ATP10D: variants seen among roughly 807,000 people sequenced by gnomAD.
ATP10D encodes the protein ATPase phospholipid transporting 10D (putative), also known as phospholipid-transporting ATPase VD.
ATP10D carries 89 observed loss-of-function variants against 144.8 expected under a neutral mutation model. The observed-to-expected ratio is 0.61, with a 90% CI of 0.52 to 0.73. The LOEUF is 0.73. Among genes scored for constraint, ATP10D ranks in the 30% least tolerant of loss-of-function variants. The probability of loss-of-function intolerance (pLI) is 0.00; values close to 1 mark genes in which losing one functional copy is unlikely to be tolerated. For missense variants in ATP10D, 1,603 were observed against 1,714.8 expected (o/e 0.93, Z 1.15); for synonymous variants, 571 against 615.1 (o/e 0.93, Z 1.06).
chr4:47,517,463 G>C, intron 3 of ATP10D, among the ~76,000 whole-genome samples: 1 of 152,162 alleles, frequency 6.6e-6, no homozygotes, highest in East Asian at 1.9e-4. Flanking sequence ...GGAGTTGATA[G>C]TGTGTGTTTA....
rs563370584 is a variant in ATP10D at position 47,500,595 on chromosome 4, A to G, written c.-37-11909A>G. Among the ~76,000 whole-genome samples the G allele has an allele frequency of 2.0e-5, 3 of 152,336 alleles. No homozygotes were observed. The South Asian group carries it at 6.2e-4, about 32-fold the overall frequency. On this transcript the variant is annotated intron_variant, in intron 1 of 22. Transcript: ENST00000273859. ...TCAAAAGTTTTTGGGCTGAGCATCT[A>G]GAAGAAGGGAGCTGCCATTAGCTGA...
At chr4:47,582,583 C>T (rs1020969759) in intron 21 of ATP10D, among the ~76,000 whole-genome samples, 62 of 152,124 alleles carry the variant, frequency 4.1e-4, no homozygotes, top group Non-Finnish European at 2.1e-4. Flanking sequence ...TCCACATATT[C>T]GTGGGCTGGA....
rs1205040394 is a variant in ATP10D at position 47,569,002 on chromosome 4, G to T, written c.3019G>T (p.Ala1007Ser). ...TATCACTGGGAAGACCCTGGAGTTT[G>T]CCCTGCAAGAAAGTCTGCAAAAGCA... ...LIITGKTLEF[A>S]LQESLQKQFL... Residue 1007 changes from alanine to serine, a missense_variant, in exon 16 of 23, where the codon GCC becomes TCC. Ala to Ser is a moderately conservative substitution (Grantham distance 99). Coordinates refer to ENST00000273859, the MANE Select transcript of ATP10D (RefSeq NM_020453.4). The T allele has an allele frequency of 1.2e-5, 19 of 1,614,196 alleles. No individual in the cohort carries two copies. The highest frequency in any genetic ancestry group is 1.5e-5 in the Non-Finnish European group (18 of 1,180,034).
At chr4:47,550,337 G>A (rs556460800) in intron 10 of ATP10D, among the ~76,000 whole-genome samples, 9 of 152,046 alleles carry the variant, frequency 5.9e-5, no homozygotes, top group East Asian at 3.9e-4. Context: ...TATGAAAGCC[G>A]TTCAAAAGAT....
chr4:47,587,358 C>G (rs1156778080), intron 22 of ATP10D, 152 bp downstream of exon 22: 1 of 708,228 alleles, frequency 1.4e-6, no homozygotes, highest in East Asian at 2.7e-5. Context: ...GTTTTTAACT[C>G]TTTTATCAGA....
At chr4:47,552,219 G>A (rs1317783845) in intron 10 of ATP10D, among the ~76,000 whole-genome samples, 4 of 152,108 alleles carry the variant, frequency 2.6e-5, no homozygotes, top group African/African-American at 7.2e-5. Flanking sequence ...TGTTCTCGTG[G>A]CCACAGCACA....
chr4:47,513,596 A>G (rs1716478195), intron 2 of ATP10D, among the ~76,000 whole-genome samples: 1 of 152,186 alleles, frequency 6.6e-6, no homozygotes. Flanking sequence ...AGATGGAGGA[A>G]GGAGTATGAA....
At chr4:47,573,656 G>A (rs929394985) in intron 18 of ATP10D, among the ~76,000 whole-genome samples, 2 of 152,086 alleles carry the variant, frequency 1.3e-5, no homozygotes, top group Non-Finnish European at 2.9e-5. Flanking sequence ...AAAATCATAC[G>A]TAATCAGACG....
intron 10 of ATP10D, among the ~76,000 whole-genome samples, chr4:47,549,224 A>T (rs1718600305): frequency 6.6e-6 from 1 of 152,180 alleles, no homozygotes. Context: ...TTCTACACGA[A>T]ATGCTCTTCT....
At chr4:47,500,763 T>C (rs62300110) in intron 1 of ATP10D, among the ~76,000 whole-genome samples, 16,056 of 152,190 alleles carry the variant, frequency 0.11, 929 homozygotes, top group Non-Finnish European at 0.13. Flanking sequence ...CTTGTGGAAG[T>C]TCTCTTTGGA....
intron 21 of ATP10D, among the ~76,000 whole-genome samples, chr4:47,586,658 T>A (rs887997422): frequency 4.6e-5 from 7 of 152,138 alleles, no homozygotes; most frequent in African/African-American, 1.7e-4. Flanking sequence ...AAGTTTGAGG[T>A]TCACTGGGAG....
At chr4:47,495,895 G>A (rs143504437) in intron 1 of ATP10D, among the ~76,000 whole-genome samples, 3 of 152,126 alleles carry the variant, frequency 2.0e-5, no homozygotes, top group South Asian at 2.1e-4. Flanking sequence ...GCGCCACCGC[G>A]CCTGGCTAAT....
chr4:47,490,705 C>G (rs572801156), intron 1 of ATP10D, among the ~76,000 whole-genome samples: 3 of 152,302 alleles, frequency 2.0e-5, no homozygotes, highest in Non-Finnish European at 4.4e-5. Flanking sequence ...GTGAAGAACA[C>G]GAGAGTGTGG....
chr4:47,564,408 A>C (rs932916353), intron 15 of ATP10D, among the ~76,000 whole-genome samples: 3 of 152,148 alleles, frequency 2.0e-5, no homozygotes, highest in Non-Finnish European at 4.4e-5. Flanking sequence ...AAAATGAGAA[A>C]ATATATCAAG....
chr4:47,563,604 CT>C lies in ATP10D; in HGVS notation c.2693del (p.Leu898ArgfsTer9). The C allele has an allele frequency of 6.2e-7, 1 of 1,610,256 alleles. No homozygotes were observed. Among genetic ancestry groups the C allele is most frequent in the Non-Finnish European group, 8.5e-7 (1 of 1,178,874 alleles). On this transcript the variant is annotated frameshift_variant, in exon 15 of 23. Transcript: ENST00000273859. LOFTEE classifies it high-confidence loss of function. ...LLGATGIEDRLQEGVPESIEA... is the reference protein window; with the variant it reads ...LLGATGIEDRXQEGVPESIEA... ...AGGTGCTACTGGCATTGAAGACCGT[CT>C]GCAGGAGGGAGTCCCTGAATCTATA...
At chr4:47,500,650 G>C (rs945741920) in intron 1 of ATP10D, among the ~76,000 whole-genome samples, 11 of 152,314 alleles carry the variant, frequency 7.2e-5, no homozygotes, top group African/African-American at 2.6e-4. Flanking sequence ...AAGCAGTTTA[G>C]GGGAGAGTGC....
intron 5 of ATP10D, among the ~76,000 whole-genome samples, chr4:47,530,235 T>G (rs1302447729): frequency 6.6e-6 from 1 of 151,886 alleles, no homozygotes; most frequent in Non-Finnish European, 1.5e-5. Context: ...ACAACGGTTA[T>G]TAGGGGGAAT....
intron 21 of ATP10D, among the ~76,000 whole-genome samples, chr4:47,584,408 T>G (rs1385350875): frequency 6.6e-6 from 1 of 152,160 alleles, no homozygotes; most frequent in Non-Finnish European, 1.5e-5. Flanking sequence ...TGTTGTTGTT[T>G]TTGAGACAGA....
At chr4:47,551,618 A>G (rs1384207698) in intron 10 of ATP10D, among the ~76,000 whole-genome samples, 4 of 152,248 alleles carry the variant, frequency 2.6e-5, no homozygotes, top group African/African-American at 4.8e-5. Context: ...TGAGTTAGGG[A>G]TCCAAAGATC....
Sources: allele counts gnomAD v4.1 joint callset (sites outside exome capture counted in the v4.1 genomes callset), GRCh38; gene constraint gnomAD v4.1.1; transcripts MANE v1.5; gene names NCBI Gene and HGNC (gene_info 2026-07-23, HGNC 2026-07-21).